Variants in NIN observed in about 807,000 individuals in gnomAD.
NIN encodes the protein glycogen synthase kinase 3 beta-interacting protein.
Under a neutral mutation model 257.6 loss-of-function variants are expected in NIN, and 137 were observed. The observed-to-expected ratio is 0.53, with a 90% CI of 0.46 to 0.61. The LOEUF (loss-of-function observed/expected upper bound fraction) is 0.61, where lower values mean the gene tolerates loss of function less well. Among genes scored for constraint, NIN ranks in the 20% least tolerant of loss-of-function variants. NIN has a pLI of 0.00. For missense variants in NIN, 2,439 were observed against 2,501.2 expected (o/e 0.98, Z 0.53); for synonymous variants, 918 against 919.8 (o/e 1.00, Z 0.04).
chr14:50,766,406 G>A lies in NIN; in HGVS notation c.1546-10C>T. On this transcript the variant is annotated splice_polypyrimidine_tract_variant and intron_variant, in intron 13 of 30. Coordinates refer to ENST00000530997, the MANE Select transcript of NIN (RefSeq NM_020921.4). ...GATCGAGGTCACCAAACTAGAAGGGGAAAAGGGCAAAGCTGTCATTTTTCC... is the reference window on the plus strand; with the variant it reads ...GATCGAGGTCACCAAACTAGAAGGGAAAAAGGGCAAAGCTGTCATTTTTCC... 2 of 1,613,622 alleles carry A rather than the reference G, an allele frequency of 1.2e-6. No homozygotes were observed. Among genetic ancestry groups the A allele is most frequent in the Non-Finnish European group, 1.7e-6 (2 of 1,179,532 alleles).
At position 50,721,894 on chromosome 14, in the gene NIN, A is replaced by G. The variant is rs751992040; in HGVS notation, c.*1569T>C. On this transcript the variant is annotated 3_prime_UTR_variant, in exon 31 of 31. Coordinates refer to ENST00000530997, the MANE Select transcript of NIN (RefSeq NM_020921.4). ...ACCCTGAAGTTCCCTGATGGAAATTATTTTGTTGAGATTGAGTTTCTGACA... is the reference window on the plus strand; with the variant it reads ...ACCCTGAAGTTCCCTGATGGAAATTGTTTTGTTGAGATTGAGTTTCTGACA... The G allele has an allele frequency of 6.2e-5, 14 of 224,756 alleles. No homozygotes were observed. Among genetic ancestry groups the G allele is most frequent in the Non-Finnish European group, 1.2e-4 (13 of 112,680 alleles). The allele number at this position is 224,756 out of a possible 1,614,324, so 13.9% of individuals were successfully genotyped here.
chr14:50,775,953 A>T (rs2042907806), intron 7 of NIN, among the ~76,000 whole-genome samples: 1 of 152,200 alleles, frequency 6.6e-6, no homozygotes, highest in Non-Finnish European at 1.5e-5. Flanking sequence ...AACAAAAAAA[A>T]TTTTCTGTAA....
chr14:50,765,364 A>G (rs2042439431), intron 14 of NIN, among the ~76,000 whole-genome samples: 1 of 152,254 alleles, frequency 6.6e-6, no homozygotes, highest in Non-Finnish European at 1.5e-5. Context: ...ATTAGAACCA[A>G]GAGCTAAAAT....
Position 50,758,174 on chromosome 14 carries a change from C to T in NIN, c.2856G>A (p.Glu952=), listed in dbSNP as rs535288871. 3.7e-6 allele frequency: 6 copies of T among 1,614,230 alleles called. No homozygotes were observed. In the South Asian group the frequency reaches 6.6e-5, roughly 18 times the overall value. The change falls in exon 18 of 31, where the codon GAG becomes GAA. Residue 952 remains glutamate, a synonymous_variant. Coordinates refer to ENST00000530997, the MANE Select transcript of NIN (RefSeq NM_020921.4). ...AAGCCCCTGCCTGGCACAGGACCTCCTCACGCTCCCTCAGTTCCCTTTTGT... is the reference window on the plus strand; with the variant it reads ...AAGCCCCTGCCTGGCACAGGACCTCTTCACGCTCCCTCAGTTCCCTTTTGT... ...SSHKRELRER[E]EVLCQAGASE...
chr14:50,821,858 C>A lies in NIN; in HGVS notation c.183+16G>T, dbSNP rs767839514. Reference sequence around the variant, plus strand: ...GCACCCCACTTCCCATAGCCACGTTCTTCCCCAGACCTTACCCTGCCCAAG... The same window carrying A: ...GCACCCCACTTCCCATAGCCACGTTATTCCCCAGACCTTACCCTGCCCAAG... On this transcript the variant is annotated intron_variant, in intron 3 of 30. Transcript: ENST00000530997. 1 of 1,604,130 alleles carries A rather than the reference C, an allele frequency of 6.2e-7. No individual in the cohort carries two copies. Among genetic ancestry groups the A allele is most frequent in the Non-Finnish European group, 8.5e-7 (1 of 1,173,514 alleles).
At chr14:50,782,569 G>A (rs2043177628) in intron 5 of NIN, among the ~76,000 whole-genome samples, 1 of 152,188 alleles carries the variant, frequency 6.6e-6, no homozygotes, top group Admixed American at 6.5e-5. Flanking sequence ...AAGGCTGGAA[G>A]GAAATAGAGA....
At chr14:50,791,028 T>A (rs968966408) in intron 5 of NIN, among the ~76,000 whole-genome samples, 15 of 152,168 alleles carry the variant, frequency 9.9e-5, no homozygotes, top group Admixed American at 9.8e-4. Context: ...AATAATACCC[T>A]GGGGACTGAA....
intron 4 of NIN, among the ~76,000 whole-genome samples, chr14:50,799,912 T>G (rs55984715): frequency 0.1 from 15,460 of 151,380 alleles, 968 homozygotes; most frequent in Admixed American, 0.15. Flanking sequence ...GAGGCAGAGG[T>G]TGCAGTGAGC....
Position 50,759,897 on chromosome 14 carries a change from C to G in NIN, c.2359G>C (p.Glu787Gln), listed in dbSNP as rs757210179. 6.2e-7 allele frequency: 1 copy of G among 1,613,282 alleles called. No individual in the cohort carries two copies. Among genetic ancestry groups the G allele is most frequent in the Non-Finnish European group, 8.5e-7 (1 of 1,179,734 alleles). ...HTLEKEELRK[E>Q]LLEKHQRELQ... The stretch of plus-strand genomic sequence containing the variant: ...TCCCTTTGGTGCTTTTCCAAGAGCT[C>G]TTTTCTTAACTCCTCTTTCTCAAGA... The change falls in exon 17 of 31, where the codon GAG becomes CAG. Residue 787 changes from glutamate to glutamine, a missense_variant. Around this residue, in one of 3 missense-constraint regions of NIN, gnomAD observed 2,043 missense variants for 2,050.2 expected, o/e 1.00. Transcript: ENST00000530997.
intron 5 of NIN, chr14:50,792,394 T>C (rs2043636098): frequency 4.1e-6 from 1 of 241,916 alleles, no homozygotes; most frequent in Non-Finnish European, 8.0e-6. Flanking sequence ...CTAAAAATGA[T>C]CATGCTATAG....
intron 29 of NIN, chr14:50,727,794 G>T (rs747685621): frequency 5.0e-6 from 7 of 1,412,518 alleles, no homozygotes; most frequent in African/African-American, 1.4e-5. Flanking sequence ...CTCATGTCAG[G>T]ATGAGTTTTT....
intron 2 of NIN, among the ~76,000 whole-genome samples, chr14:50,824,743 A>C (rs921502020): frequency 6.6e-6 from 1 of 152,176 alleles, no homozygotes; most frequent in Non-Finnish European, 1.5e-5. Context: ...ACTCCTTGAG[A>C]GGAAACGTAC....
intron 29 of NIN, among the ~76,000 whole-genome samples, chr14:50,728,564 A>G (rs913232353): frequency 2.0e-5 from 3 of 152,214 alleles, no homozygotes; most frequent in Non-Finnish European, 4.4e-5. Flanking sequence ...GATTCAAATA[A>G]GAGATAGGAA....
intron 12 of NIN, among the ~76,000 whole-genome samples, chr14:50,769,037 AAACAG>A (rs1177768586): frequency 2.0e-5 from 3 of 151,794 alleles, no homozygotes; most frequent in Non-Finnish European, 2.9e-5. Flanking sequence ...TCACGAAATG[AAACAG>A]TTAGATGGCT....
chr14:50,783,544 G>A (rs1157125151), intron 5 of NIN, among the ~76,000 whole-genome samples: 2 of 150,610 alleles, frequency 1.3e-5, no homozygotes, highest in African/African-American at 4.9e-5. Context: ...CAGATAGGAG[G>A]TATTCTGTGC....
chr14:50,766,389 T>C lies in NIN; in HGVS notation c.1553A>G (p.Asp518Gly), dbSNP rs2042488891. 6.2e-7 allele frequency: 1 copy of C among 1,613,960 alleles called. No individual in the cohort carries two copies. The highest frequency in any genetic ancestry group is 8.5e-7 in the Non-Finnish European group (1 of 1,179,984). ...GAACTCAGCACTGCTAGGATCGAGG[T>C]CACCAAACTAGAAGGGGAAAAGGGC... The part of the protein sequence containing the change: ...LENVLAEKFG[D>G]LDPSSAEFFL... The change falls in exon 14 of 31, where the codon GAC (aspartate) becomes GGC (glycine). Residue 518 changes from aspartate to glycine, a missense_variant. Physicochemically the swap from Asp to Gly is moderately conservative, Grantham distance 94. Coordinates refer to ENST00000530997, the MANE Select transcript of NIN (RefSeq NM_020921.4).
chr14:50,792,872 A>G lies in NIN; in HGVS notation c.275T>C (p.Leu92Pro), dbSNP rs2043661853. 6.2e-7 allele frequency: 1 copy of G among 1,614,102 alleles called. No individual in the cohort carries two copies. The highest frequency in any genetic ancestry group is 8.5e-7 in the Non-Finnish European group (1 of 1,180,040). Residue 92 changes from leucine (L) to proline (P), a missense_variant, in exon 5 of 31, where the codon CTA becomes CCA. Around this residue, in one of 3 missense-constraint regions of NIN, gnomAD observed 387 missense variants for 427.3 expected, o/e 0.91. Transcript: ENST00000530997. ...EEHFQEPDCS[L>P]EAQPKYVRGG... ...TCTAACATATTTGGGCTGAGCTTCT[A>G]GTGAGCAGTCTGAGAGAGGAGACAA...
chr14:50,778,835 T>C (rs1424577160), intron 5 of NIN, 31 bp from the exon 6 acceptor site: 1 of 1,610,990 alleles, frequency 6.2e-7, no homozygotes, highest in Non-Finnish European at 8.5e-7. Context: ...TTAGTGTGCT[T>C]TAGAACTTAT....
At chr14:50,730,312 G>A (rs2040627498) in intron 28 of NIN, among the ~76,000 whole-genome samples, 1 of 152,124 alleles carries the variant, frequency 6.6e-6, no homozygotes, top group Non-Finnish European at 1.5e-5. Flanking sequence ...GAACATCTGG[G>A]AACTGGAGAA....
Sources: gnomAD v4.1 joint callset for allele counts (sites outside exome capture counted in the v4.1 genomes callset) on GRCh38, gnomAD v4.1.1 for gene constraint, gnomAD v4.1.1 regional missense constraint, MANE v1.5 for transcripts, NCBI Gene and HGNC (gene_info 2026-07-23, HGNC 2026-07-21) for gene names.